NLN: variants seen among roughly 807,000 people sequenced by gnomAD.
NLN encodes the protein neurolysin, also known as neurolysin, mitochondrial.
Under a neutral mutation model 79.9 loss-of-function variants are expected in NLN, and 64 were observed. The observed-to-expected ratio is 0.80, with a 90% CI of 0.65 to 0.99. The LOEUF (loss-of-function observed/expected upper bound fraction) is 0.99. Ranked by LOEUF, NLN falls within the 50% of genes least tolerant of loss-of-function variation. The pLI, the probability that NLN is intolerant of heterozygous loss-of-function variation, is 0.00. For synonymous variants in NLN, 267 were observed against 296.6 expected, an observed-to-expected ratio of 0.90 and a Z score of 1.02; for missense variants, 835 against 858.7, an observed-to-expected ratio of 0.97 and a Z score of 0.34.
chr5:65,815,749 G>T (rs1760655573), intron 12 of NLN, among the ~76,000 whole-genome samples: 1 of 151,810 alleles, frequency 6.6e-6, no homozygotes, highest in Admixed American at 6.6e-5. Flanking sequence ...ACTATTTGGG[G>T]TTTTTTGTTG....
chr5:65,749,607 T>G (rs1204076627), intron 1 of NLN, among the ~76,000 whole-genome samples: 1 of 152,142 alleles, frequency 6.6e-6, no homozygotes, highest in Non-Finnish European at 1.5e-5. Flanking sequence ...ATGCTGAACT[T>G]TTGGAACAGT....
At chr5:65,811,821 C>CA (rs1015228163) in intron 11 of NLN, among the ~76,000 whole-genome samples, 2 of 151,550 alleles carry the variant, frequency 1.3e-5, no homozygotes, top group African/African-American at 2.4e-5. Context: ...AACTCTGTCT[C>CA]AAAAAAAAGT....
At chr5:65,742,287 G>A (rs1392675251) in intron 1 of NLN, among the ~76,000 whole-genome samples, 2 of 152,048 alleles carry the variant, frequency 1.3e-5, no homozygotes, top group Non-Finnish European at 2.9e-5. Flanking sequence ...ACTGCTAGAG[G>A]AAGTTGTACA....
At chr5:65,813,320 A>G (rs1278219065) in intron 12 of NLN, among the ~76,000 whole-genome samples, 2 of 150,360 alleles carry the variant, frequency 1.3e-5, no homozygotes, top group African/African-American at 4.9e-5. Context: ...TTTTTCCATT[A>G]CCTGGCCAAC....
chr5:65,782,206 T>C (rs1223725781), intron 6 of NLN, among the ~76,000 whole-genome samples: 1 of 152,204 alleles, frequency 6.6e-6, no homozygotes, highest in African/African-American at 2.4e-5. Context: ...TTTTACTCCA[T>C]GGCCCCCAGT....
At chr5:65,739,009 T>C (rs1317959352) in intron 1 of NLN, among the ~76,000 whole-genome samples, 1 of 91,366 alleles carries the variant, frequency 1.1e-5, no homozygotes, top group Non-Finnish European at 2.5e-5. Context: ...TTATAATATA[T>C]ATTTATATAT....
chr5:65,739,322 T>C (rs1758822398), intron 1 of NLN, among the ~76,000 whole-genome samples: 1 of 152,104 alleles, frequency 6.6e-6, no homozygotes, highest in Admixed American at 6.6e-5. Flanking sequence ...TTCCACCAGG[T>C]TCATCCATGT....
At chr5:65,794,162 T>C (rs1448027949) in intron 9 of NLN, among the ~76,000 whole-genome samples, 1 of 152,200 alleles carries the variant, frequency 6.6e-6, no homozygotes, top group Non-Finnish European at 1.5e-5. Context: ...GTGGTTTATG[T>C]TGTCAGCTCA....
At chr5:65,746,782 A>C (rs1275634114) in intron 1 of NLN, among the ~76,000 whole-genome samples, 1 of 152,186 alleles carries the variant, frequency 6.6e-6, no homozygotes, top group Non-Finnish European at 1.5e-5. Flanking sequence ...AGGCAGGCGG[A>C]TCACAAGGTC....
At chr5:65,807,174 C>T (rs529590395) in intron 9 of NLN, among the ~76,000 whole-genome samples, 8 of 69,634 alleles carry the variant, frequency 1.1e-4, no homozygotes, top group Non-Finnish European at 2.0e-4. Context: ...AAGACCCTGT[C>T]TCAAAAAAAA....
Position 65,803,724 on chromosome 5 carries a change from G to A in NLN, c.1528-5791G>A, listed in dbSNP as rs541770991. Among the ~76,000 whole-genome samples the A allele has an allele frequency of 2.6e-5, 4 of 152,128 alleles. No homozygotes were observed. In the South Asian group the frequency reaches 8.3e-4, roughly 32 times the overall value. On this transcript the variant is annotated intron_variant, in intron 9 of 12. Coordinates refer to ENST00000380985, the MANE Select transcript of NLN (RefSeq NM_020726.5). ...CCTGCTCCTGGCCCCCAAGAGCACAGGCATACCTGGGTCAGCAGCCACAGC... is the reference window on the plus strand; with the variant it reads ...CCTGCTCCTGGCCCCCAAGAGCACAAGCATACCTGGGTCAGCAGCCACAGC...
At chr5:65,753,564 C>T (rs2548773) in intron 1 of NLN, among the ~76,000 whole-genome samples, 31,525 of 151,370 alleles carry the variant, frequency 0.21, 3,424 homozygotes, top group Non-Finnish European at 0.24. Context: ...GCACGAGAAT[C>T]GCTTTAACCT....
chr5:65,796,525 A>G (rs899150736), intron 9 of NLN, among the ~76,000 whole-genome samples: 1 of 152,246 alleles, frequency 6.6e-6, no homozygotes, highest in Admixed American at 6.5e-5. Flanking sequence ...CATGAGCACA[A>G]ATGTGTCATA....
intron 2 of NLN, among the ~76,000 whole-genome samples, chr5:65,759,470 TGATA>T (rs1759295295): frequency 6.6e-6 from 1 of 151,736 alleles, no homozygotes; most frequent in African/African-American, 2.4e-5. Flanking sequence ...AGAGATTGAT[TGATA>T]GATTGATTAT....
intron 12 of NLN, among the ~76,000 whole-genome samples, chr5:65,818,216 G>A (rs1050258243): frequency 6.6e-6 from 1 of 152,148 alleles, no homozygotes; most frequent in African/African-American, 2.4e-5. Context: ...TGCCTGGTTA[G>A]TTGTCTATTT....
At chr5:65,784,728 G>A (rs898514221) in intron 6 of NLN, among the ~76,000 whole-genome samples, 20 of 152,258 alleles carry the variant, frequency 1.3e-4, no homozygotes, top group Admixed American at 3.9e-4. Flanking sequence ...TATTCACATT[G>A]AGAATATGTT....
chr5:65,820,484 G>A (rs1199567154), intron 12 of NLN, among the ~76,000 whole-genome samples: 1 of 152,152 alleles, frequency 6.6e-6, no homozygotes, highest in African/African-American at 2.4e-5. Flanking sequence ...TCTACCCAGA[G>A]AGCACAGTCT....
In NLN at chr5:65,788,322, T is replaced by C. The variant is rs1759981430; in HGVS notation, c.1163T>C (p.Val388Ala). Residue 388 changes from valine to alanine, a missense_variant, in exon 8 of 13, where the codon GTG (valine) becomes GCG (alanine). Val to Ala is a moderately conservative substitution (Grantham distance 64). Transcript: ENST00000380985. ...EFLKEYFPIEVVTEGLLNTYQ... is the reference protein window; with the variant it reads ...EFLKEYFPIEAVTEGLLNTYQ... ...CTCAAGGAATACTTCCCAATTGAGG[T>C]GGTCACTGAAGGCTTGCTGAACACC... 1 of 1,614,076 alleles carries C rather than the reference T, an allele frequency of 6.2e-7. No individual in the cohort carries two copies. Among genetic ancestry groups the C allele is most frequent in the Non-Finnish European group, 8.5e-7 (1 of 1,179,968 alleles).
Position 65,787,254 on chromosome 5 carries a change from A to G in NLN, c.959-864A>G, listed in dbSNP as rs535676849. Among the ~76,000 whole-genome samples, 35 of 149,152 alleles carry G rather than the reference A, an allele frequency of 2.3e-4. No homozygotes were observed. In the South Asian group the frequency reaches 5.7e-3, roughly 24 times the overall value. On this transcript the variant is annotated intron_variant, in intron 7 of 12. Coordinates refer to ENST00000380985, the MANE Select transcript of NLN (RefSeq NM_020726.5). ...TCTCTCTTTATATATATATATATGT[A>G]TGTGTGTGTGTGTGTGTGTGTATAC...
Sources: allele counts gnomAD v4.1 joint callset (sites outside exome capture counted in the v4.1 genomes callset), GRCh38; gene constraint gnomAD v4.1.1; transcripts MANE v1.5; gene names NCBI Gene and HGNC (gene_info 2026-07-23, HGNC 2026-07-21).